FCSK: variants seen among roughly 807,000 people sequenced by gnomAD.
FCSK encodes fucose kinase.
A neutral mutation model predicts 122.5 loss-of-function variants in FCSK; 123 were observed. That is an observed-to-expected ratio of 1.00 (90% CI 0.87 to 1.17). The LOEUF is 1.17. FCSK is among the 50% of genes most tolerant of loss of function. The pLI, the probability that FCSK is intolerant of heterozygous loss-of-function variation, is 0.00. For synonymous variants in FCSK, 620 were observed against 625.5 expected (o/e 0.99, Z 0.13); for missense variants, 1,366 against 1,450.4 (o/e 0.94, Z 0.95).
intron 13 of FCSK, 95 bp from the exon 14 acceptor site, chr16:70,472,446 T>C (rs1215032759): frequency 6.5e-6 from 6 of 921,948 alleles, no homozygotes; most frequent in Non-Finnish European, 1.0e-5. Context: ...CCTGCCCTCA[T>C]GTGAGCACTT....
chr16:70,471,848 C>T lies in FCSK; in HGVS notation c.1341+496C>T, dbSNP rs184157793. ...TTTTTTTGAGACTCACTCTGTCTCC[C>T]AGGCCGGAGTGCAGTGGCGCAATCT... On this transcript the variant is annotated intron_variant, in intron 13 of 23. Transcript: ENST00000288078. 3.3e-5 allele frequency among the ~76,000 whole-genome samples: 5 copies of T among 149,402 alleles called. No homozygotes were observed. In the East Asian group the frequency reaches 9.8e-4, roughly 29 times the overall value.
At chr16:70,458,359 C>T (rs976146266) in intron 1 of FCSK, among the ~76,000 whole-genome samples, 1 of 150,902 alleles carries the variant, frequency 6.6e-6, no homozygotes, top group Admixed American at 6.6e-5. Context: ...GGGGTTTCAC[C>T]ATGCTGGCCA....
At chr16:70,479,041 C>T in intron 22 of FCSK, 139 bp from the exon 23 acceptor site, 1 of 706,832 alleles carries the variant, frequency 1.4e-6, no homozygotes, top group Non-Finnish European at 2.4e-6. Flanking sequence ...GTGGGTTACT[C>T]CTGGCTCCAG....
Position 70,470,436 on chromosome 16 carries a change from C to CCA in FCSK, c.1068+11_1068+12insAC. 3 of 1,541,388 alleles carry CCA rather than the reference C, an allele frequency of 1.9e-6. No individual in the cohort carries two copies. The highest frequency in any genetic ancestry group is 2.7e-6 in the Non-Finnish European group (3 of 1,117,790). ...GCACTCCCAGGTGGAGGTGAGACCTCCCTGCCCCTCCGGTGCCTGCTGGTT... is the reference window on the plus strand; with the variant it reads ...GCACTCCCAGGTGGAGGTGAGACCTCCACCTGCCCCTCCGGTGCCTGCTGGTT... On this transcript the variant is annotated intron_variant, in intron 11 of 23. Transcript: ENST00000288078.
intron 14 of FCSK, 48 bp from the exon 15 acceptor site, chr16:70,472,935 C>A (rs921646291): frequency 1.3e-6 from 2 of 1,556,658 alleles, no homozygotes; most frequent in African/African-American, 2.7e-5. Context: ...GGGGAAGAGA[C>A]TGGAGCTTTT....
chr16:70,463,721 C>G lies in FCSK; in HGVS notation c.181C>G (p.Leu61Val), dbSNP rs1427882811. The change falls in exon 3 of 24, where the codon CTC (leucine) becomes GTC (valine). Residue 61 changes from leucine (L) to valine (V), a missense_variant. Transcript: ENST00000288078. ...EKRVGSGGATLNALLVAAEHL... is the reference protein window; with the variant it reads ...EKRVGSGGATVNALLVAAEHL... ...GCGTGTGGGCAGCGGAGGAGCCACC[C>G]TCAACGCCCTGCTGGTGGCTGCTGA... 8.1e-6 allele frequency: 13 copies of G among 1,612,560 alleles called. No individual in the cohort carries two copies. Among genetic ancestry groups the G allele is most frequent in the Non-Finnish European group, 1.0e-5 (12 of 1,179,978 alleles).
In FCSK at chr16:70,473,899, G is replaced by A. The variant is rs1001009875; in HGVS notation, c.1778-230G>A. Among the ~76,000 whole-genome samples the A allele has an allele frequency of 2.0e-5, 3 of 152,178 alleles. No individual in the cohort carries two copies. The highest frequency in any genetic ancestry group is 2.9e-5 in the Non-Finnish European group (2 of 68,012). On this transcript the variant is annotated intron_variant, in intron 15 of 23. Coordinates refer to ENST00000288078, the MANE Select transcript of FCSK (RefSeq NM_145059.3). This position sits in a 1 kb window ranked among gnomAD's most constrained non-coding sequence, Gnocchi z 4.9. ...CAGAGCCTGAGCTCTTCACCACTAT[G>A]GGTGTCCTGGGTGGGGGTGAAGAGA... is the stretch of plus-strand genomic sequence containing the variant.
chr16:70,466,725 A>G (rs2048428983), intron 5 of FCSK, among the ~76,000 whole-genome samples, 157 bp from the exon 6 acceptor site: 1 of 152,224 alleles, frequency 6.6e-6, no homozygotes, highest in Non-Finnish European at 1.5e-5. Context: ...TCTTGGTCAC[A>G]TGGGGAAAGT....
chr16:70,470,724 C>CTGAGGAAGGGGACAGGTAGGGTTCAGAGG, intron 11 of FCSK, among the ~76,000 whole-genome samples: 1 of 152,252 alleles, frequency 6.6e-6, no homozygotes, highest in East Asian at 1.9e-4. Flanking sequence ...TGCCGTGCTG[C>CTGAGGAAGGGGACAGGTAGGGTTCAGAGG]TGAGGAAGGG....
chr16:70,457,764 G>GT lies in FCSK; in HGVS notation c.-23+3147dup, dbSNP rs150762552. ...AATTTTTGTATGTGTGTGGTTTTTTGTTTTTTTTTTTTTGGTAGAGATGGG... is the reference window on the plus strand; with the variant it reads ...AATTTTTGTATGTGTGTGGTTTTTTGTTTTTTTTTTTTTTGGTAGAGATGGG... On this transcript the variant is annotated intron_variant, in intron 1 of 23. Coordinates refer to ENST00000288078, the MANE Select transcript of FCSK (RefSeq NM_145059.3). The GT allele has an allele frequency of 3.9e-3, 535 of 138,378 alleles. 1 individual carries two copies. The highest frequency in any genetic ancestry group is 6.6e-3 in the Admixed American group (90 of 13,676). The allele number at this position is 138,378 out of a possible 1,614,324, so 8.6% of individuals were successfully genotyped here.
chr16:70,469,381 G>A (rs1471303545), intron 10 of FCSK, 58 bp downstream of exon 10: 2 of 1,489,036 alleles, frequency 1.3e-6, no homozygotes, highest in Non-Finnish European at 1.8e-6. Context: ...AGGACCCCAA[G>A]AATGGAGCTG....
chr16:70,467,646 A>G (rs1567700009), intron 7 of FCSK, 175 bp downstream of exon 7: 1 of 641,278 alleles, frequency 1.6e-6, no homozygotes, highest in Admixed American at 2.7e-5. Context: ...CCAAAAATAC[A>G]TTTCACACCG....
Position 70,468,885 on chromosome 16 carries a change from G to A in FCSK, c.700G>A (p.Glu234Lys), listed in dbSNP as rs1193342255. The A allele has an allele frequency of 2.5e-6, 4 of 1,613,940 alleles. No individual in the cohort carries two copies. Among genetic ancestry groups the A allele is most frequent in the Non-Finnish European group, 3.4e-6 (4 of 1,179,996 alleles). ...TGTCTTCTTCTCTGTGGAGACTGCC[G>A]AGCGCCTCCTAGCCACCCACGTGAG... ...GVVFFSVETA[E>K]RLLATHVSPP... The change falls in exon 9 of 24, where the codon GAG becomes AAG. Residue 234 changes from glutamate to lysine, a missense_variant. Transcript: ENST00000288078.
chr16:70,468,794 T>A, intron 8 of FCSK, 55 bp from the exon 9 acceptor site: 1 of 1,607,858 alleles, frequency 6.2e-7, no homozygotes, highest in East Asian at 2.2e-5. Flanking sequence ...CCCTGACTTG[T>A]ACCAGGGCCT....
rs748197913 is a variant in FCSK at position 70,463,224 on chromosome 16, A to C, written c.34A>C (p.Ile12Leu). ...EQPKGVDWTV[I>L]ILTCQYKDSV... ...GCCGAAGGGAGTTGATTGGACAGTC[A>C]TCATCCTGACCTGCCAGTACAAGGA... The change falls in exon 2 of 24, where the codon ATC becomes CTC. Residue 12 changes from isoleucine to leucine, a missense_variant. Transcript: ENST00000288078. 8.1e-6 allele frequency: 13 copies of C among 1,613,996 alleles called. No individual in the cohort carries two copies. Among genetic ancestry groups the C allele is most frequent in the African/African-American group, 1.3e-5 (1 of 74,904 alleles).
chr16:70,472,634 G>A lies in FCSK; in HGVS notation c.1406+29G>A, dbSNP rs767266839. The A allele has an allele frequency of 7.0e-6, 11 of 1,574,966 alleles. No homozygotes were observed. The South Asian group carries it at 7.9e-5, about 11-fold the overall frequency. ...AGGTGGACACCCCTAGGGCCTCTGT[G>A]GGCCTGGGCAGCTGGGGTGGCTGCT... On this transcript the variant is annotated intron_variant, in intron 14 of 23. Transcript: ENST00000288078.
At chr16:70,478,182 C>T in intron 20 of FCSK, 90 bp from the exon 21 acceptor site, 1 of 1,338,982 alleles carries the variant, frequency 7.5e-7, no homozygotes, top group Non-Finnish European at 1.0e-6. Flanking sequence ...CCACACTGGT[C>T]CCAGCAAGGG....
intron 20 of FCSK, 150 bp from the exon 21 acceptor site, chr16:70,478,122 A>T (rs576301402): frequency 1.4e-6 from 1 of 692,740 alleles, no homozygotes. Flanking sequence ...TGTTCTGGGG[A>T]CAGAAGCTGC....
At position 70,463,738 on chromosome 16, in the gene FCSK, G is replaced by C. The variant is rs766089906; in HGVS notation, c.198G>C (p.Val66=). The change falls in exon 3 of 24, where the codon GTG becomes GTC. Residue 66 remains valine (V), a synonymous_variant. Coordinates refer to ENST00000288078, the MANE Select transcript of FCSK (RefSeq NM_145059.3). The stretch of plus-strand genomic sequence containing the variant: ...GAGCCACCCTCAACGCCCTGCTGGT[G>C]GCTGCTGAACACCTGAGTGCCCGGG... ...SGGATLNALL[V]AAEHLSARAG... is the part of the protein sequence containing the mutation. 2 of 1,612,280 alleles carry C rather than the reference G, an allele frequency of 1.2e-6. No individual in the cohort carries two copies. Among genetic ancestry groups the C allele is most frequent in the Non-Finnish European group, 1.7e-6 (2 of 1,179,930 alleles).
Sources: allele counts gnomAD v4.1 joint callset (sites outside exome capture counted in the v4.1 genomes callset), GRCh38; gene constraint gnomAD v4.1.1; non-coding constraint Gnocchi (gnomAD v3.1); transcripts MANE v1.5; gene names NCBI Gene and HGNC (gene_info 2026-07-23, HGNC 2026-07-21).